The following DDX10 variants were observed in gnomAD, a reference collection of about 807,000 sequenced individuals.
DDX10 encodes the protein DEAD-box helicase 10.
In DDX10, 74 loss-of-function variants were observed where a neutral mutation model predicts 104.3. The ratio of observed to expected loss-of-function variants is 0.71; its 90% CI spans 0.59 to 0.86. The LOEUF is 0.86. Among genes scored for constraint, DDX10 ranks in the 40% least tolerant of loss-of-function variants. DDX10 has a pLI of 0.00. For missense variants in DDX10, 952 were observed against 1,040.0 expected (o/e 0.92, Z 1.16); for synonymous variants, 351 against 353.4 (o/e 0.99, Z 0.08).
chr11:108,859,368 T>G (rs1862910777), intron 16 of DDX10, among the ~76,000 whole-genome samples: 1 of 152,216 alleles, frequency 6.6e-6, no homozygotes, highest in Non-Finnish European at 1.5e-5. Context: ...CAGAATACTG[T>G]TTCTTTTATT....
Position 108,677,613 on chromosome 11 carries a change from G to T in DDX10, c.537+370G>T, listed in dbSNP as rs116023563. On this transcript the variant is annotated intron_variant, in intron 4 of 17. Transcript: ENST00000322536. ...TTCAGAGGATTGCTACATCAGCAGC[G>T]TAAGAAAGGAAGGTAGACTCTTTAG... Among the ~76,000 whole-genome samples, 10 of 151,214 alleles carry T rather than the reference G, an allele frequency of 6.6e-5. No individual in the cohort carries two copies. The East Asian group carries it at 1.9e-3, about 29-fold the overall frequency.
At chr11:108,908,224 A>T (rs1266420880) in intron 16 of DDX10, among the ~76,000 whole-genome samples, 1 of 152,218 alleles carries the variant, frequency 6.6e-6, no homozygotes, top group African/African-American at 2.4e-5. Context: ...ATCAATTTTT[A>T]TTTTAAATTT....
At chr11:108,776,814 C>A (rs534010611) in intron 13 of DDX10, among the ~76,000 whole-genome samples, 8 of 152,150 alleles carry the variant, frequency 5.3e-5, no homozygotes, top group African/African-American at 1.9e-4. Flanking sequence ...GAGAGAAGTC[C>A]CTGGCTGACA....
intron 12 of DDX10, among the ~76,000 whole-genome samples, chr11:108,722,255 T>C (rs2094299216): frequency 6.6e-6 from 1 of 152,204 alleles, no homozygotes; most frequent in South Asian, 2.1e-4. Flanking sequence ...GTCCATGTTA[T>C]GATGTTACTG....
chr11:108,679,561 G>A lies in DDX10; in HGVS notation c.848+1G>A. 1 of 1,572,338 alleles carries A rather than the reference G, an allele frequency of 6.4e-7. No homozygotes were observed. The highest frequency in any genetic ancestry group is 8.6e-7 in the Non-Finnish European group (1 of 1,162,676). The stretch of plus-strand genomic sequence containing the variant: ...GGGTTCATGAAAAAGCAAAATATAG[G>A]TATGTACTCTTTGAGTCAATCAAGA... On this transcript the variant is annotated splice_donor_variant, in intron 6 of 17. Transcript: ENST00000322536. LOFTEE classifies it high-confidence loss of function.
intron 16 of DDX10, among the ~76,000 whole-genome samples, chr11:108,917,325 C>T (rs1195816768): frequency 1.3e-5 from 2 of 151,984 alleles, no homozygotes; most frequent in African/African-American, 2.4e-5. Context: ...ATATTTTCAC[C>T]TAGTATTTTT....
Position 108,665,248 on chromosome 11 carries a change from A to C in DDX10, c.95A>C (p.Asn32Thr), listed in dbSNP as rs751861092. Residue 32 changes from asparagine to threonine, a missense_variant, in exon 1 of 18, where the codon AAC becomes ACC. Transcript: ENST00000322536. Reference sequence around the variant, plus strand: ...AAGAAAAAACACAGCCATAGGCAGAACAAAAAGAAGCAGTTGAGGAAGCAA... The same window carrying C: ...AAGAAAAAACACAGCCATAGGCAGACCAAAAAGAAGCAGTTGAGGAAGCAA... ...RWKKKHSHRQ[N>T]KKKQLRKQLK... 64 of 1,612,702 alleles carry C rather than the reference A, an allele frequency of 4.0e-5. No homozygotes were observed. The highest frequency in any genetic ancestry group is 5.3e-5 in the Non-Finnish European group (62 of 1,179,538).
chr11:108,719,043 A>G (rs976703767), intron 11 of DDX10, among the ~76,000 whole-genome samples: 2 of 152,066 alleles, frequency 1.3e-5, no homozygotes, highest in Non-Finnish European at 2.9e-5. Context: ...GTATTTGACA[A>G]ACTGATAAAG....
intron 17 of DDX10, chr11:108,918,274 G>C: frequency 2.5e-6 from 1 of 401,192 alleles, no homozygotes; most frequent in South Asian, 1.1e-4. Context: ...TATGAGTTGT[G>C]TTTTTCCTTT....
intron 13 of DDX10, among the ~76,000 whole-genome samples, chr11:108,824,420 A>C (rs1280003211): frequency 6.6e-6 from 1 of 152,208 alleles, no homozygotes; most frequent in Admixed American, 6.5e-5. Context: ...ACCATGTGAC[A>C]CAAGTTATCT....
intron 13 of DDX10, among the ~76,000 whole-genome samples, chr11:108,736,384 T>TG (rs1055720946): frequency 1.3e-5 from 2 of 152,128 alleles, no homozygotes; most frequent in Non-Finnish European, 2.9e-5. Flanking sequence ...GAATACGTTT[T>TG]GCAGTTTATC....
chr11:108,902,874 A>G lies in DDX10; in HGVS notation c.2305-14999A>G, dbSNP rs1863536530. 1.3e-5 allele frequency among the ~76,000 whole-genome samples: 2 copies of G among 152,140 alleles called. 1 individual carries two copies. Among genetic ancestry groups the G allele is most frequent in the South Asian group, 4.1e-4 (2 of 4,832 alleles). ...CATTTGTTAAGTAGAATGTAAAAAA[A>G]TTTGCACCTTTACATTAAAAATCAA... On this transcript the variant is annotated intron_variant, in intron 16 of 17. Transcript: ENST00000322536.
intron 17 of DDX10, among the ~76,000 whole-genome samples, chr11:108,936,048 T>TA (rs201937037): frequency 0.024 from 3,586 of 152,264 alleles, 64 homozygotes; most frequent in Middle Eastern, 0.058. Flanking sequence ...TGCAGATTTT[T>TA]AAAAAAATAT....
chr11:108,675,088 TTG>T (rs142204234), intron 2 of DDX10, among the ~76,000 whole-genome samples: 22,267 of 146,232 alleles, frequency 0.15, 1,917 homozygotes, highest in African/African-American at 0.25. Flanking sequence ...CATATTCCAT[TTG>T]TGTGTGTGTG....
intron 13 of DDX10, among the ~76,000 whole-genome samples, chr11:108,745,989 C>T (rs1716044559): frequency 6.6e-6 from 1 of 152,076 alleles, no homozygotes; most frequent in Non-Finnish European, 1.5e-5. Context: ...CAAACTTGTT[C>T]AGCCATTACC....
intron 16 of DDX10, among the ~76,000 whole-genome samples, chr11:108,912,178 T>A (rs774767392): frequency 3.3e-5 from 5 of 152,158 alleles, no homozygotes; most frequent in African/African-American, 4.8e-5. Context: ...GTTTACTGAT[T>A]TGTAGATGGC....
chr11:108,665,470 G>C, intron 1 of DDX10, 131 bp downstream of exon 1: 1 of 1,068,138 alleles, frequency 9.4e-7, no homozygotes, highest in Non-Finnish European at 1.3e-6. Context: ...GGTCACGCCG[G>C]GTGCCACAGC....
intron 13 of DDX10, among the ~76,000 whole-genome samples, chr11:108,787,885 G>C (rs1186104885): frequency 1.3e-5 from 2 of 152,106 alleles, no homozygotes; most frequent in Non-Finnish European, 2.9e-5. Flanking sequence ...AGCGGAGATC[G>C]TGCCATTGCA....
chr11:108,731,752 T>C (rs535510167), intron 13 of DDX10, among the ~76,000 whole-genome samples: 1 of 152,320 alleles, frequency 6.6e-6, no homozygotes, highest in East Asian at 1.9e-4. Flanking sequence ...TAGTGTTGTA[T>C]GCATCCATCA....
Sources: allele counts gnomAD v4.1 joint callset (sites outside exome capture counted in the v4.1 genomes callset), GRCh38; gene constraint gnomAD v4.1.1; transcripts MANE v1.5; gene names NCBI Gene and HGNC (gene_info 2026-07-23, HGNC 2026-07-21).